CCDC197: variants seen among roughly 807,000 people sequenced by gnomAD.
CCDC197 encodes coiled-coil domain containing 197, also known as uncharacterized protein CCDC197.
CCDC197 carries 24 observed loss-of-function variants against 13.4 expected under a neutral mutation model. That is an observed-to-expected ratio of 1.80 (90% CI 1.30 to 2.53). The LOEUF (loss-of-function observed/expected upper bound fraction) is 2.53, where lower values mean the gene tolerates loss of function less well. CCDC197 is among the 30% of genes most tolerant of loss of function. The probability of loss-of-function intolerance (pLI) is 0.00; values close to 1 mark genes in which losing one functional copy is unlikely to be tolerated. For missense variants in CCDC197, 255 were observed against 148.8 expected, an observed-to-expected ratio of 1.71 and a Z score of -3.71; for synonymous variants, 99 against 55.5, an observed-to-expected ratio of 1.78 and a Z score of -3.48.
chr14:93,994,798 C>A (rs908490151), upstream of CCDC197, among the ~76,000 whole-genome samples: 2 of 152,128 alleles, frequency 1.3e-5, no homozygotes, highest in Non-Finnish European at 2.9e-5. Flanking sequence ...CTGCTTCCGG[C>A]CAGAGGAGGG....
chr14:94,000,314 C>T (rs1020228427), intron 3 of CCDC197, among the ~76,000 whole-genome samples: 4 of 152,118 alleles, frequency 2.6e-5, no homozygotes, highest in East Asian at 3.8e-4. Flanking sequence ...GAGAGGGTAA[C>T]GAACTTGCCC....
intron 6 of CCDC197, among the ~76,000 whole-genome samples, chr14:94,005,181 G>T (rs1890646596): frequency 6.6e-6 from 1 of 152,284 alleles, no homozygotes; most frequent in Middle Eastern, 3.4e-3. Flanking sequence ...GGTCAGTGTA[G>T]AAGGTGCATA....
intron 2 of CCDC197, among the ~76,000 whole-genome samples, 174 bp downstream of exon 2, chr14:93,998,409 A>C (rs759919769): frequency 2.0e-5 from 3 of 152,206 alleles, no homozygotes; most frequent in Non-Finnish European, 2.9e-5. Context: ...CTGTGACGGG[A>C]GAGAGAAGAG....
chr14:93,999,615 A>G lies in CCDC197; in HGVS notation c.137A>G (p.His46Arg). The part of the protein sequence containing the change: ...QKKLKREVEK[H>R]KLFEDYLIKV... ...AAGCTCAAGAGAGAAGTCGAGAAGC[A>G]CAAGCTTTTTGAAGACTATCTGATT... The change falls in exon 3 of 7, where the codon CAC becomes CGC. Residue 46 changes from histidine to arginine, a missense_variant. His to Arg is a conservative substitution (Grantham distance 29). Coordinates refer to ENST00000636493, the MANE Select transcript of CCDC197 (RefSeq NM_001351596.2). 1.3e-6 allele frequency: 1 copy of G among 781,026 alleles called. No individual in the cohort carries two copies. The highest frequency in any genetic ancestry group is 1.7e-5 in the Admixed American group (1 of 59,036). 48.4% of individuals were successfully genotyped at this position (781,026 alleles called of 1,614,324 possible).
Position 94,000,237 on chromosome 14 carries a change from C to A in CCDC197, c.187+572C>A, listed in dbSNP as rs142095073. Reference sequence around the variant, plus strand: ...CCATTTATTAAATATGTACCCTGTGCTAAGCTCTTTAGCAAATCTTTTTTA... The same window carrying A: ...CCATTTATTAAATATGTACCCTGTGATAAGCTCTTTAGCAAATCTTTTTTA... On this transcript the variant is annotated intron_variant, in intron 3 of 6. Coordinates refer to ENST00000636493, the MANE Select transcript of CCDC197 (RefSeq NM_001351596.2). 2.0e-5 allele frequency among the ~76,000 whole-genome samples: 3 copies of A among 152,272 alleles called. No individual in the cohort carries two copies. In the East Asian group the frequency reaches 5.8e-4, roughly 29 times the overall value.
At chr14:93,998,314 T>C (rs1052173145) in intron 2 of CCDC197, 79 bp downstream of exon 2, 9 of 723,486 alleles carry the variant, frequency 1.2e-5, no homozygotes, top group Middle Eastern at 7.1e-4. Flanking sequence ...TTAGCAAACA[T>C]GTCCCCGAGG....
chr14:93,991,836 G>A (rs1890216792), intron 1 of CCDC197, among the ~76,000 whole-genome samples: 1 of 152,224 alleles, frequency 6.6e-6, no homozygotes, highest in Non-Finnish European at 1.5e-5. Context: ...AACCACAGGT[G>A]CAAAGGCCCT....
At chr14:94,008,978 TG>T (rs1176907869), downstream of CCDC197, 1 of 556,708 alleles carries the variant, frequency 1.8e-6, no homozygotes, top group Non-Finnish European at 3.2e-6. Flanking sequence ...CTCCCCATCC[TG>T]GGGGATTGGC....
intron 3 of CCDC197, among the ~76,000 whole-genome samples, chr14:94,000,605 G>A (rs79615618): frequency 2.0e-5 from 3 of 152,082 alleles, no homozygotes; most frequent in African/African-American, 7.2e-5. Context: ...GCTGCTGGGC[G>A]ATGTGGCTGG....
intron 1 of CCDC197, among the ~76,000 whole-genome samples, chr14:93,987,937 A>AG (rs1890128416): frequency 2.2e-5 from 1 of 45,052 alleles, no homozygotes; most frequent in African/African-American, 8.8e-5. Context: ...CGCGGGAGGG[A>AG]GGTGGGAAGG....
At chr14:94,011,358 G>A (rs1890804734), downstream of CCDC197, among the ~76,000 whole-genome samples, 1 of 152,242 alleles carries the variant, frequency 6.6e-6, no homozygotes. Context: ...TCCTTGGGGA[G>A]GAGCGGGATT....
intron 1 of CCDC197, among the ~76,000 whole-genome samples, chr14:93,991,822 A>C (rs1890216531): frequency 6.6e-6 from 1 of 152,046 alleles, no homozygotes; most frequent in East Asian, 1.9e-4. Context: ...CTCCAGGCCG[A>C]GGGAACCACA....
chr14:94,000,819 T>G (rs946217798), intron 3 of CCDC197: 2 of 230,470 alleles, frequency 8.7e-6, no homozygotes, highest in African/African-American at 2.3e-5. Flanking sequence ...ACAATTCCTA[T>G]CCCCCTCTCA....
chr14:94,000,649 GGAGGA>G (rs979711182), intron 3 of CCDC197, among the ~76,000 whole-genome samples: 11 of 152,244 alleles, frequency 7.2e-5, no homozygotes, highest in Admixed American at 4.6e-4. Flanking sequence ...ACTGAGCCAA[GGAGGA>G]GTCAGGGCTG....
At chr14:94,007,765 C>T (rs1490770964) in intron 6 of CCDC197, among the ~76,000 whole-genome samples, 3 of 152,326 alleles carry the variant, frequency 2.0e-5, no homozygotes, top group African/African-American at 7.2e-5. Flanking sequence ...TTGCTTACCT[C>T]ATTTGAGGCA....
intron 2 of CCDC197, among the ~76,000 whole-genome samples, chr14:93,998,569 C>T (rs1890393639): frequency 6.6e-6 from 1 of 152,162 alleles, no homozygotes; most frequent in Non-Finnish European, 1.5e-5. Flanking sequence ...AGGTTGCCGC[C>T]TTGACTCTTA....
At chr14:94,008,920 T>C (rs1890761857), downstream of CCDC197, 4 of 614,852 alleles carry the variant, frequency 6.5e-6, no homozygotes, top group African/African-American at 1.8e-5. Flanking sequence ...TCTGGGGGCA[T>C]TGAGGGGGTG....
upstream of CCDC197, among the ~76,000 whole-genome samples, chr14:93,993,727 G>A (rs1246492588): frequency 6.6e-6 from 1 of 152,178 alleles, no homozygotes; most frequent in East Asian, 1.9e-4. Context: ...TCCTTGTTAA[G>A]GTTTTTGAAA....
chr14:94,008,495 C>T (rs569340765), intron 6 of CCDC197, 114 bp from the exon 7 acceptor site: 8 of 637,538 alleles, frequency 1.3e-5, no homozygotes, highest in African/African-American at 5.4e-5. Flanking sequence ...CTTTGCAGGG[C>T]GCTTGTGAGA....
Sources: allele counts gnomAD v4.1 joint callset (sites outside exome capture counted in the v4.1 genomes callset), GRCh38; gene constraint gnomAD v4.1.1; transcripts MANE v1.5; gene names NCBI Gene and HGNC (gene_info 2026-07-23, HGNC 2026-07-21).